PRLR: variants seen among roughly 807,000 people sequenced by gnomAD.
PRLR encodes the protein hPRL receptor.
In PRLR, 13 loss-of-function variants were observed where a neutral mutation model predicts 40.2. The observed-to-expected ratio is 0.32, with a 90% CI of 0.21 to 0.51. The LOEUF is 0.51. Ranked by LOEUF, PRLR falls within the 20% of genes least tolerant of loss-of-function variation. The probability of loss-of-function intolerance (pLI) is 0.97; values close to 1 mark genes in which losing one functional copy is unlikely to be tolerated. For missense variants in PRLR, 656 were observed against 747.3 expected, an observed-to-expected ratio of 0.88 and a Z score of 1.42; for synonymous variants, 269 against 278.7, an observed-to-expected ratio of 0.97 and a Z score of 0.35.
chr5:35,188,184 C>G (rs905179377), intron 1 of PRLR, among the ~76,000 whole-genome samples: 1 of 152,222 alleles, frequency 6.6e-6, no homozygotes, highest in African/African-American at 2.4e-5. Flanking sequence ...TTTTCGAGTT[C>G]AGCTCTTGCT....
chr5:35,142,731 C>T (rs1322473621), intron 1 of PRLR, among the ~76,000 whole-genome samples: 1 of 152,162 alleles, frequency 6.6e-6, no homozygotes, highest in East Asian at 1.9e-4. Flanking sequence ...AACAGATAGG[C>T]AGTATTAAGC....
chr5:35,196,531 A>T (rs1775741421), intron 1 of PRLR, among the ~76,000 whole-genome samples: 1 of 152,194 alleles, frequency 6.6e-6, no homozygotes, highest in Admixed American at 6.5e-5. Flanking sequence ...AAACAAACAT[A>T]GGGCAGGGGA....
intron 5 of PRLR, among the ~76,000 whole-genome samples, chr5:35,080,674 C>A (rs1770449556): frequency 6.6e-6 from 1 of 152,144 alleles, no homozygotes; most frequent in Admixed American, 6.5e-5. Context: ...CCGTTTGACC[C>A]AGCCATCCCA....
In PRLR at chr5:35,074,896, T is replaced by A. The variant is rs530240362; in HGVS notation, c.374-2152A>T. Among the ~76,000 whole-genome samples the A allele has an allele frequency of 2.0e-5, 3 of 152,226 alleles. No homozygotes were observed. The South Asian group carries it at 6.2e-4, about 32-fold the overall frequency. ...AGACTTAGGTGCTGGGGTGCTGGCTTGCCTCATCCCAGTCTCAGTTCTGCT... is the reference window on the plus strand; with the variant it reads ...AGACTTAGGTGCTGGGGTGCTGGCTAGCCTCATCCCAGTCTCAGTTCTGCT... On this transcript the variant is annotated intron_variant, in intron 5 of 9. Coordinates refer to ENST00000618457, the MANE Select transcript of PRLR (RefSeq NM_000949.7).
chr5:35,171,910 T>C (rs1302178924), intron 1 of PRLR, among the ~76,000 whole-genome samples: 3 of 152,134 alleles, frequency 2.0e-5, no homozygotes, highest in African/African-American at 4.8e-5. Context: ...TTTTTTGTGA[T>C]GCAAAAAAGT....
chr5:35,147,135 C>G (rs1434291476), intron 1 of PRLR, among the ~76,000 whole-genome samples: 3 of 152,154 alleles, frequency 2.0e-5, no homozygotes, highest in Non-Finnish European at 4.4e-5. Context: ...ACTGCTCATA[C>G]AATTTTATGT....
intron 1 of PRLR, among the ~76,000 whole-genome samples, chr5:35,185,700 A>C (rs1363827916): frequency 2.6e-5 from 4 of 152,234 alleles, no homozygotes; most frequent in Admixed American, 1.3e-4. Context: ...AATTCTATCT[A>C]TACACACAAA....
downstream of PRLR, among the ~76,000 whole-genome samples, chr5:35,054,106 T>A (rs913155279): frequency 6.6e-6 from 1 of 152,222 alleles, no homozygotes; most frequent in East Asian, 1.9e-4. Context: ...AAAATAACAA[T>A]GCATCATTTT....
At chr5:35,075,828 C>T (rs922387201) in intron 5 of PRLR, among the ~76,000 whole-genome samples, 10 of 152,216 alleles carry the variant, frequency 6.6e-5, no homozygotes, top group African/African-American at 2.4e-4. Flanking sequence ...AGGTGCCCCT[C>T]TGAGATGAAG....
In PRLR at chr5:35,058,565, A is replaced by G. The variant is rs202175431; in HGVS notation, c.*6524T>C. On this transcript the variant is annotated 3_prime_UTR_variant, in exon 10 of 10. Coordinates refer to ENST00000618457, the MANE Select transcript of PRLR (RefSeq NM_000949.7). The stretch of plus-strand genomic sequence containing the variant: ...CATAGAATCTTTCTTCTAGACAAAG[A>G]TTAGGAAAAAATTAGTACATTCACG... 20 of 152,370 alleles carry G rather than the reference A, an allele frequency of 1.3e-4. No homozygotes were observed. The East Asian group carries it at 3.9e-3, about 29-fold the overall frequency. 9.4% of individuals were successfully genotyped at this position (152,370 alleles called of 1,614,324 possible). A position where few individuals can be genotyped will look rare whatever the true frequency, so the allele number is the denominator to read the frequency against.
chr5:35,178,204 T>C (rs1339589563), intron 1 of PRLR, among the ~76,000 whole-genome samples: 1 of 152,174 alleles, frequency 6.6e-6, no homozygotes, highest in Non-Finnish European at 1.5e-5. Context: ...TGAAACCAAA[T>C]TTTTGCGACT....
intron 2 of PRLR, among the ~76,000 whole-genome samples, chr5:35,091,184 C>T (rs1771190964): frequency 3.9e-5 from 6 of 151,996 alleles, no homozygotes; most frequent in Admixed American, 3.9e-4. Context: ...TGTGAGGTGA[C>T]CCGTATTTTG....
rs953554323 is a variant in PRLR at position 35,090,038 on chromosome 5, G to C, written c.-43-375C>G. Among the ~76,000 whole-genome samples, 6 of 152,192 alleles carry C rather than the reference G, an allele frequency of 3.9e-5. 1 individual carries two copies. Among genetic ancestry groups the C allele is most frequent in the East Asian group, 1.9e-4 (1 of 5,182 alleles). On this transcript the variant is annotated intron_variant, in intron 2 of 9. Transcript: ENST00000618457. ...TGTATGTCCTATGGGAGAATCCTAC[G>C]AGGGCTCTTGCTCTGGTCCATCAGC...
At chr5:35,074,264 C>A (rs573796840) in intron 5 of PRLR, among the ~76,000 whole-genome samples, 2 of 151,814 alleles carry the variant, frequency 1.3e-5, no homozygotes, top group Non-Finnish European at 2.9e-5. Flanking sequence ...AGTTTGAGAC[C>A]AGCCTGGCCA....
At chr5:35,083,621 G>T (rs1435427141) in intron 5 of PRLR, among the ~76,000 whole-genome samples, 1 of 151,338 alleles carries the variant, frequency 6.6e-6, no homozygotes, top group Admixed American at 6.6e-5. Context: ...CTGGGTTCAA[G>T]CAATTCTCTT....
At chr5:35,066,131 G>A (rs757652328) in intron 9 of PRLR, 29 bp from the exon 10 acceptor site, 15 of 1,589,110 alleles carry the variant, frequency 9.4e-6, no homozygotes, top group African/African-American at 1.3e-5. Context: ...AAGAAGAGAT[G>A]GCTGTTAGCT....
intron 1 of PRLR, among the ~76,000 whole-genome samples, chr5:35,128,962 T>TA (rs1773561893): frequency 6.6e-6 from 1 of 152,178 alleles, no homozygotes; most frequent in African/African-American, 2.4e-5. Context: ...TTTCAACCCT[T>TA]ACTGCTGAGC....
chr5:35,175,259 A>C (rs988656994), intron 1 of PRLR, among the ~76,000 whole-genome samples: 7 of 152,202 alleles, frequency 4.6e-5, no homozygotes, highest in Non-Finnish European at 1.0e-4. Flanking sequence ...TAATTCTCAC[A>C]AGATCTGATA....
intron 3 of PRLR, 28 bp downstream of exon 3, chr5:35,089,522 GA>G: frequency 6.6e-7 from 1 of 1,512,796 alleles, no homozygotes; most frequent in Non-Finnish European, 9.2e-7. Context: ...CCCAGGCAAT[GA>G]AAGAGAGCGT....
Sources: gnomAD v4.1 joint callset for allele counts (sites outside exome capture counted in the v4.1 genomes callset) on GRCh38, gnomAD v4.1.1 for gene constraint, MANE v1.5 for transcripts, NCBI Gene and HGNC (gene_info 2026-07-23, HGNC 2026-07-21) for gene names.